CAPZB: variants seen among roughly 807,000 people sequenced by gnomAD.
CAPZB encodes F-actin-capping protein subunit beta.
Under a neutral mutation model 38.1 loss-of-function variants are expected in CAPZB, and 2 were observed. The observed-to-expected ratio is 0.05, with a 90% CI of 0.02 to 0.17. The LOEUF (loss-of-function observed/expected upper bound fraction) is 0.17, where lower values mean the gene tolerates loss of function less well. Among genes scored for constraint, CAPZB ranks in the 10% least tolerant of loss-of-function variants. The pLI is 1.00. For synonymous variants in CAPZB, 107 were observed against 127.4 expected (o/e 0.84, Z 1.08); for missense variants, 161 against 334.2 (o/e 0.48, Z 4.04).
chr1:19,362,319 C>T (rs960066420), intron 4 of CAPZB, among the ~76,000 whole-genome samples: 5 of 152,204 alleles, frequency 3.3e-5, no homozygotes, highest in African/African-American at 7.2e-5. Flanking sequence ...TCACTGCGAC[C>T]TCCACTTCCC....
At chr1:19,425,717 C>A (rs1337797069) in intron 1 of CAPZB, among the ~76,000 whole-genome samples, 2 of 152,120 alleles carry the variant, frequency 1.3e-5, no homozygotes. Context: ...AGAAATCAGT[C>A]AAATAAAACC....
intron 1 of CAPZB, among the ~76,000 whole-genome samples, chr1:19,428,809 G>T (rs1022543521): frequency 6.6e-6 from 1 of 151,946 alleles, no homozygotes; most frequent in Admixed American, 6.6e-5. Flanking sequence ...AGACACAACC[G>T]AACAGTGAGA....
In CAPZB at chr1:19,356,311, G is replaced by A. The variant is rs952108240; in HGVS notation, c.588+324C>T. 8.1e-5 allele frequency among the ~76,000 whole-genome samples: 10 copies of A among 122,806 alleles called. No homozygotes were observed. The highest frequency in any genetic ancestry group is 3.3e-4 in the East Asian group (1 of 3,058). The allele number at this position is 122,806 out of a possible 152,430, so 80.6% of individuals were successfully genotyped here. On this transcript the variant is annotated intron_variant, in intron 6 of 8. Transcript: ENST00000264202. This position sits in a 1 kb window ranked among gnomAD's most constrained non-coding sequence, Gnocchi z 4.3. ...ATGGGCTGGGCATGGCCACAGAGAC[G>A]GCAAACAGGGCCAAGCACCACTTCT...
Position 19,448,673 on chromosome 1 carries a change from G to A in CAPZB, c.4-28923C>T, listed in dbSNP as rs143029670. On this transcript the variant is annotated intron_variant, in intron 1 of 8. Coordinates refer to ENST00000264202, the MANE Select transcript of CAPZB (RefSeq NM_004930.5). Reference sequence around the variant, plus strand: ...TTCCTCCCTACTTGGGCAAAAAGTTGTCACCTAGCCAACACATTTCCTGGG... The same window carrying A: ...TTCCTCCCTACTTGGGCAAAAAGTTATCACCTAGCCAACACATTTCCTGGG... Among the ~76,000 whole-genome samples, 628 of 152,308 alleles carry A rather than the reference G, an allele frequency of 4.1e-3. 1 individual carries two copies. Among genetic ancestry groups the A allele is most frequent in the Non-Finnish European group, 7.4e-3 (501 of 68,022 alleles).
intron 1 of CAPZB, among the ~76,000 whole-genome samples, chr1:19,430,538 G>C (rs374924259): frequency 9.2e-5 from 14 of 152,370 alleles, no homozygotes; most frequent in African/African-American, 3.4e-4. Flanking sequence ...CAGAGTGCCA[G>C]AGGAGGGTGG....
At chr1:19,483,380 C>A (rs1386275969) in intron 1 of CAPZB, among the ~76,000 whole-genome samples, 1 of 152,222 alleles carries the variant, frequency 6.6e-6, no homozygotes, top group Admixed American at 6.5e-5. Flanking sequence ...CTGAGCAACA[C>A]CCTGAATAAG....
At position 19,357,547 on chromosome 1, in the gene CAPZB, C is replaced by A; in HGVS notation, c.346G>T (p.Val116Phe). The A allele has an allele frequency of 6.2e-7, 1 of 1,614,044 alleles. No individual in the cohort carries two copies. The highest frequency in any genetic ancestry group is 8.5e-7 in the Non-Finnish European group (1 of 1,180,002). The change falls in exon 5 of 9, where the codon GTC becomes TTC. Residue 116 changes from valine (V) to phenylalanine (F), a missense_variant. Coordinates refer to ENST00000264202, the MANE Select transcript of CAPZB (RefSeq NM_004930.5). The surrounding 1 kb of genome is among the most constrained non-coding windows in gnomAD (Gnocchi z 4.3). ...AGATCCCAGAGGTAGACAGATGAGA[C>A]GCCACCTTCAAAATACCTGCAGGAA... is the stretch of plus-strand genomic sequence containing the variant. ...QYRDLYFEGG[V>F]SSVYLWDLDH...
intron 1 of CAPZB, chr1:19,484,217 A>G (rs1286995619): frequency 6.2e-7 from 1 of 1,612,640 alleles, no homozygotes; most frequent in South Asian, 1.1e-5. Context: ...CATAATCAGC[A>G]GTTCCAACCC....
At chr1:19,439,511 G>A (rs192412258) in intron 1 of CAPZB, among the ~76,000 whole-genome samples, 6 of 152,272 alleles carry the variant, frequency 3.9e-5, no homozygotes, top group Admixed American at 3.3e-4. Flanking sequence ...TGACTATGGG[G>A]AAAATGCACC....
At chr1:19,484,909 C>T (rs917203417) in intron 1 of CAPZB, among the ~76,000 whole-genome samples, 3 of 152,160 alleles carry the variant, frequency 2.0e-5, no homozygotes, top group African/African-American at 7.2e-5. Flanking sequence ...GGGAAGCAAA[C>T]CTAGGCCGCT....
chr1:19,481,281 G>A (rs1179881286), intron 1 of CAPZB, among the ~76,000 whole-genome samples: 1 of 152,158 alleles, frequency 6.6e-6, no homozygotes, highest in East Asian at 1.9e-4. Flanking sequence ...GGCTCTAGCT[G>A]GTCCCAATAT....
intron 2 of CAPZB, among the ~76,000 whole-genome samples, chr1:19,399,032 T>C (rs1464572161): frequency 6.6e-6 from 1 of 151,894 alleles, no homozygotes; most frequent in Non-Finnish European, 1.5e-5. Context: ...AATTTTTTTA[T>C]TTTTTAGTAG....
At chr1:19,373,500 T>C (rs2094129653) in intron 4 of CAPZB, among the ~76,000 whole-genome samples, 1 of 152,082 alleles carries the variant, frequency 6.6e-6, no homozygotes, top group African/African-American at 2.4e-5. Flanking sequence ...AATCTACGTC[T>C]TTCCCTCAGG....
At chr1:19,479,776 C>T (rs919625570) in intron 1 of CAPZB, among the ~76,000 whole-genome samples, 1 of 152,200 alleles carries the variant, frequency 6.6e-6, no homozygotes, top group East Asian at 1.9e-4. Flanking sequence ...GAATTTCTAC[C>T]TGCCCTGTCA....
chr1:19,448,736 T>C (rs914580230), intron 1 of CAPZB: 4 of 1,434,882 alleles, frequency 2.8e-6, no homozygotes, highest in Non-Finnish European at 3.9e-6. Context: ...AGCTTTGCTA[T>C]TTACTTCTCC....
At chr1:19,403,566 C>T (rs1319704674) in intron 2 of CAPZB, among the ~76,000 whole-genome samples, 1 of 152,226 alleles carries the variant, frequency 6.6e-6, no homozygotes, top group Non-Finnish European at 1.5e-5. Flanking sequence ...GTTCTCCGGG[C>T]TTGATCCCGA....
At chr1:19,412,329 G>C (rs2094360788) in intron 2 of CAPZB, among the ~76,000 whole-genome samples, 1 of 152,196 alleles carries the variant, frequency 6.6e-6, no homozygotes, top group Admixed American at 6.5e-5. Flanking sequence ...GGGTAGGAGA[G>C]AGGAAGCCAA....
intron 2 of CAPZB, among the ~76,000 whole-genome samples, chr1:19,392,052 G>A (rs945379668): frequency 2.6e-5 from 4 of 152,090 alleles, no homozygotes; most frequent in East Asian, 1.9e-4. Context: ...GTGTGGTGGT[G>A]CATGCCTATA....
intron 2 of CAPZB, among the ~76,000 whole-genome samples, chr1:19,409,311 T>C (rs919085698): frequency 1.3e-5 from 2 of 152,038 alleles, no homozygotes; most frequent in Non-Finnish European, 1.5e-5. Context: ...ATCCACTTCA[T>C]TAGAAAGTCA....
Sources: allele counts gnomAD v4.1 joint callset (sites outside exome capture counted in the v4.1 genomes callset), GRCh38; gene constraint gnomAD v4.1.1; non-coding constraint Gnocchi (gnomAD v3.1); transcripts MANE v1.5; gene names NCBI Gene and HGNC (gene_info 2026-07-23, HGNC 2026-07-21).